Variants in FSCN2 observed in about 807,000 individuals in gnomAD.
FSCN2 encodes fascin-2.
A neutral mutation model predicts 37.8 loss-of-function variants in FSCN2; 46 were observed. The observed-to-expected ratio is 1.22, with a 90% CI of 0.96 to 1.56. The LOEUF is 1.56. Ranked by LOEUF, FSCN2 falls within the 40% of genes most tolerant of loss-of-function variation. The pLI, the probability that FSCN2 is intolerant of heterozygous loss-of-function variation, is 0.00. For synonymous variants in FSCN2, 351 were observed against 309.4 expected (o/e 1.13, Z -1.41); for missense variants, 844 against 730.4 (o/e 1.16, Z -1.79).
chr17:81,533,066 G>T (rs568614018), intron 1 of FSCN2, among the ~76,000 whole-genome samples: 2 of 152,134 alleles, frequency 1.3e-5, no homozygotes, highest in African/African-American at 4.8e-5. Flanking sequence ...GGAACCTCAC[G>T]GCTTCCAAGG....
chr17:81,531,017 A>G (rs1231913957), intron 1 of FSCN2, among the ~76,000 whole-genome samples: 2 of 152,264 alleles, frequency 1.3e-5, no homozygotes, highest in African/African-American at 4.8e-5. Flanking sequence ...AGGCATTTGT[A>G]TATGGACAGC....
intron 1 of FSCN2, among the ~76,000 whole-genome samples, chr17:81,531,351 A>ATGGTGGTGG (rs1568077215): frequency 7.7e-4 from 14 of 18,122 alleles, no homozygotes; most frequent in Non-Finnish European, 1.2e-3. Flanking sequence ...GGTGGTGATG[A>ATGGTGGTGG]TGGTGATGGT....
intron 1 of FSCN2, 46 bp downstream of exon 1, chr17:81,529,403 CCCTGCT>C: frequency 3.5e-6 from 5 of 1,438,304 alleles, no homozygotes; most frequent in South Asian, 1.3e-5. Context: ...GCTGGGACCC[CCCTGCT>C]TCAGGGAGGA....
At chr17:81,536,433 G>A (rs1326982756) in intron 3 of FSCN2, 166 bp downstream of exon 3, 3 of 1,463,826 alleles carry the variant, frequency 2.0e-6, no homozygotes, top group Non-Finnish European at 2.7e-6. Context: ...CTTGGCAAGG[G>A]AAACAGGTCT....
intron 1 of FSCN2, among the ~76,000 whole-genome samples, chr17:81,531,252 A>ATGG (rs2032550833): frequency 7.8e-5 from 7 of 89,392 alleles, no homozygotes; most frequent in Admixed American, 4.2e-4. Flanking sequence ...GATGATGGTG[A>ATGG]TGGTGATGAT....
chr17:81,529,421 G>A, intron 1 of FSCN2, 64 bp downstream of exon 1: 1 of 1,250,266 alleles, frequency 8.0e-7, no homozygotes, highest in Non-Finnish European at 1.1e-6. Flanking sequence ...CAGGGAGGAG[G>A]CCGTGGGGGT....
chr17:81,536,118 TGAG>T (rs745770128), intron 2 of FSCN2, 25 bp from the exon 3 acceptor site: 8 of 1,602,660 alleles, frequency 5.0e-6, no homozygotes, highest in Middle Eastern at 1.6e-4. Context: ...CCTGCTGTCC[TGAG>T]GAGACCTTTT....
Position 81,529,164 on chromosome 17 carries a change from G to T in FSCN2, c.633G>T (p.Thr211=). The T allele has an allele frequency of 1.9e-6, 3 of 1,589,398 alleles. No individual in the cohort carries two copies. Among genetic ancestry groups the T allele is most frequent in the Non-Finnish European group, 2.6e-6 (3 of 1,169,420 alleles). Reference sequence around the variant, plus strand: ...AGCCTGAGCCCCGTGCCTGCTACACGCTGGAGTTCAAGGCGGGCAAGCTGG... The same window carrying T: ...AGCCTGAGCCCCGTGCCTGCTACACTCTGGAGTTCAAGGCGGGCAAGCTGG... ...VWEPEPRACY[T]LEFKAGKLAF... Residue 211 remains threonine, a synonymous_variant, in exon 1 of 5, where the codon ACG becomes ACT. Coordinates refer to ENST00000417245, the MANE Select transcript of FSCN2 (RefSeq NM_012418.4).
Position 81,529,200 on chromosome 17 carries a change from C to T in FSCN2, c.669C>T (p.Asp223=). The T allele has an allele frequency of 6.3e-7, 1 of 1,596,384 alleles. No individual in the cohort carries two copies. Among genetic ancestry groups the T allele is most frequent in the Non-Finnish European group, 8.5e-7 (1 of 1,172,400 alleles). The part of the protein sequence containing the change: ...EFKAGKLAFK[D]CDGHYLAPVG... ...AGGCGGGCAAGCTGGCCTTCAAGGA[C>T]TGCGACGGCCACTACCTGGCACCCG... Residue 223 remains aspartate (D), a synonymous_variant, in exon 1 of 5, where the codon GAC becomes GAT. Transcript: ENST00000417245.
At chr17:81,524,559 G>C (rs1211237066), upstream of FSCN2, among the ~76,000 whole-genome samples, 4 of 152,230 alleles carry the variant, frequency 2.6e-5, no homozygotes, top group Admixed American at 2.0e-4. Flanking sequence ...GCAGGCACGT[G>C]TGTATCCCAT....
chr17:81,536,886 G>A lies in FSCN2; in HGVS notation c.1285G>A (p.Gly429Arg). 2 of 1,575,284 alleles carry A rather than the reference G, an allele frequency of 1.3e-6. No individual in the cohort carries two copies. Among genetic ancestry groups the A allele is most frequent in the Non-Finnish European group, 1.7e-6 (2 of 1,160,446 alleles). The change falls in exon 5 of 5, where the codon GGG becomes AGG. Residue 429 changes from glycine to arginine, a missense_variant. By Grantham distance (125) the Gly-to-Arg change is moderately radical. Coordinates refer to ENST00000417245, the MANE Select transcript of FSCN2 (RefSeq NM_012418.4). Reference protein sequence around the residue: ...GAYRIRGRDGGFWYTGSHGSV... With the variant: ...GAYRIRGRDGRFWYTGSHGSV... ...GTCCCGTCCCCCAGGCCGCGACGGAGGGTTCTGGTACACGGGCAGCCACGG... is the reference window on the plus strand; with the variant it reads ...GTCCCGTCCCCCAGGCCGCGACGGAAGGTTCTGGTACACGGGCAGCCACGG...
intron 2 of FSCN2, among the ~76,000 whole-genome samples, chr17:81,535,910 T>C (rs1475595791): frequency 1.4e-5 from 2 of 147,198 alleles, no homozygotes; most frequent in Non-Finnish European, 1.5e-5. Context: ...CCACCACCGT[T>C]CCCATCACCT....
rs1259463658 is a variant in FSCN2 at position 81,531,744 on chromosome 17, A to ATGATGG, written c.826+2391_826+2392insGGTGAT. On this transcript the variant is annotated intron_variant, in intron 1 of 4. Transcript: ENST00000417245. ...GGTGATGGTGATGGTGATGATGGTG[A>ATGATGG]TGATAGTGATGGCGATGATGGTGAT... 2.2e-3 allele frequency among the ~76,000 whole-genome samples: 116 copies of ATGATGG among 52,920 alleles called. 3 individuals are homozygous for ATGATGG. Among genetic ancestry groups the ATGATGG allele is most frequent in the African/African-American group, 9.5e-3 (101 of 10,646 alleles). 34.7% of individuals were successfully genotyped at this position (52,920 alleles called of 152,430 possible).
chr17:81,521,698 C>T, the FSCN2 span, among the ~76,000 whole-genome samples: 2 of 152,056 alleles, frequency 1.3e-5, no homozygotes, highest in East Asian at 1.9e-4. Context: ...AAACTTACCT[C>T]GTTTTAAACA....
intron 1 of FSCN2, among the ~76,000 whole-genome samples, chr17:81,531,939 A>T (rs1232268536): frequency 3.6e-5 from 4 of 112,370 alleles, no homozygotes; most frequent in Non-Finnish European, 1.9e-5. Flanking sequence ...AGTGATGATA[A>T]TGGTGATGAT....
In FSCN2 at chr17:81,529,308, A is replaced by G. The variant is rs1285630171; in HGVS notation, c.777A>G (p.Pro259=). ...TCTTTGATCTGGAGGAGAGTCACCC[A>G]CAGGTGGTGCTGGTGGCTGCCAACC... ...DELFDLEESH[P]QVVLVAANHR... The change falls in exon 1 of 5, where the codon CCA becomes CCG. Residue 259 remains proline (P), a synonymous_variant. Coordinates refer to ENST00000417245, the MANE Select transcript of FSCN2 (RefSeq NM_012418.4). 1 of 1,567,296 alleles carries G rather than the reference A, an allele frequency of 6.4e-7. No homozygotes were observed. The highest frequency in any genetic ancestry group is 1.4e-5 in the African/African-American group (1 of 74,052).
intron 1 of FSCN2, among the ~76,000 whole-genome samples, chr17:81,534,848 C>T (rs1211901747): frequency 6.6e-6 from 1 of 151,578 alleles, no homozygotes; most frequent in Non-Finnish European, 1.5e-5. Flanking sequence ...CCCTTGGGGA[C>T]AGTGTGCAGG....
intron 1 of FSCN2, among the ~76,000 whole-genome samples, chr17:81,533,362 G>T (rs138870473): frequency 2.6e-5 from 4 of 152,192 alleles, no homozygotes; most frequent in Non-Finnish European, 1.5e-5. Context: ...CTCCTGAAAC[G>T]GGAGTCCAGA....
At chr17:81,521,057 T>G in the FSCN2 span, among the ~76,000 whole-genome samples, 23 of 152,200 alleles carry the variant, frequency 1.5e-4, no homozygotes, top group African/African-American at 5.5e-4. Context: ...TTTAACCTTT[T>G]GGTTTTGAAA....
Sources: gnomAD v4.1 joint callset for allele counts (sites outside exome capture counted in the v4.1 genomes callset) on GRCh38, gnomAD v4.1.1 for gene constraint, MANE v1.5 for transcripts, NCBI Gene and HGNC (gene_info 2026-07-23, HGNC 2026-07-21) for gene names.